The following PLCH1 variants were observed in gnomAD, a reference collection of about 807,000 sequenced individuals.
PLCH1 encodes the protein phospholipase C eta 1.
Under a neutral mutation model 126.7 loss-of-function variants are expected in PLCH1, and 60 were observed. The observed-to-expected ratio is 0.47, with a 90% CI of 0.38 to 0.59. PLCH1 has a LOEUF of 0.59. Among genes scored for constraint, PLCH1 ranks in the 20% least tolerant of loss-of-function variants. PLCH1 has a pLI of 0.00. For missense variants in PLCH1, 1,723 were observed against 2,040.0 expected (o/e 0.84, Z 2.99); for synonymous variants, 719 against 734.9 (o/e 0.98, Z 0.35).
chr3:155,594,159 C>A lies in PLCH1; in HGVS notation c.252G>T (p.Val84=). Reference sequence around the variant, plus strand: ...ATATTTCAGACTGCCGGCCCTCAGTCACTTTGTAAATGGAATCAATAAGTA... The same window carrying A: ...ATATTTCAGACTGCCGGCCCTCAGTAACTTTGTAAATGGAATCAATAAGTA... ...AKILIDSIYK[V]TEGRQSEIFH... is the part of the protein sequence containing the mutation. Residue 84 remains valine (V), a synonymous_variant, in exon 4 of 23, where the codon GTG becomes GTT. Coordinates refer to ENST00000460012, the MANE Select transcript of PLCH1 (RefSeq NM_014996.4). 6.2e-7 allele frequency: 1 copy of A among 1,613,912 alleles called. No individual in the cohort carries two copies. The highest frequency in any genetic ancestry group is 1.1e-5 in the South Asian group (1 of 91,050).
intron 10 of PLCH1, among the ~76,000 whole-genome samples, chr3:155,538,231 CT>C (rs1479132112): frequency 1.3e-5 from 2 of 152,104 alleles, no homozygotes; most frequent in Non-Finnish European, 2.9e-5. Context: ...TTCAAAATCT[CT>C]GGGATACAGC....
chr3:155,474,077 G>A (rs919810171), intron 21 of PLCH1, among the ~76,000 whole-genome samples: 3 of 152,064 alleles, frequency 2.0e-5, no homozygotes, highest in Admixed American at 1.3e-4. Flanking sequence ...TTGACAAATG[G>A]GATCTAATTA....
intron 1 of PLCH1, among the ~76,000 whole-genome samples, chr3:155,716,182 T>A (rs1438459039): frequency 1.3e-5 from 2 of 152,240 alleles, no homozygotes; most frequent in Non-Finnish European, 2.9e-5. Flanking sequence ...TAGTTTCTAG[T>A]TTAATTCCAC....
intron 1 of PLCH1, chr3:155,742,317 T>C (rs1749697900): frequency 6.6e-6 from 1 of 152,252 alleles, no homozygotes; most frequent in Admixed American, 6.5e-5. Context: ...TCTATGTTTA[T>C]AATACTAGCC....
At chr3:155,730,377 G>A (rs1748682921) in intron 1 of PLCH1, among the ~76,000 whole-genome samples, 1 of 152,094 alleles carries the variant, frequency 6.6e-6, no homozygotes, top group Admixed American at 6.5e-5. Flanking sequence ...CGCCTCCTGG[G>A]TTTAAGTGAT....
chr3:155,504,586 C>G lies in PLCH1; in HGVS notation c.1673G>C (p.Arg558Pro). 1 of 1,607,436 alleles carries G rather than the reference C, an allele frequency of 6.2e-7. No individual in the cohort carries two copies. The highest frequency in any genetic ancestry group is 1.1e-5 in the South Asian group (1 of 90,962). The change falls in exon 13 of 23, where the codon CGA becomes CCA. Residue 558 changes from arginine to proline, a missense_variant. Physicochemically the swap from Arg to Pro is moderately radical, Grantham distance 103. Transcript: ENST00000460012. The part of the protein sequence containing the change: ...VKESGKKSHG[R>P]SLMTNFGKHK... ...TTTTCCAAAGTTGGTCATGAGGGAT[C>G]GTCCATGTGATTTCTTTCCACTTTC...
intron 11 of PLCH1, among the ~76,000 whole-genome samples, chr3:155,523,488 C>G (rs181312869): frequency 6.7e-6 from 1 of 150,196 alleles, no homozygotes; most frequent in Non-Finnish European, 1.5e-5. Context: ...AGCAGGTCCA[C>G]GTGCAGGTGG....
At chr3:155,536,165 T>C (rs1723329758) in intron 10 of PLCH1, among the ~76,000 whole-genome samples, 1 of 152,166 alleles carries the variant, frequency 6.6e-6, no homozygotes, top group Non-Finnish European at 1.5e-5. Context: ...GACAAAAGAA[T>C]CTGAACAGCA....
At chr3:155,635,492 C>A (rs539241594) in intron 2 of PLCH1, among the ~76,000 whole-genome samples, 12 of 152,230 alleles carry the variant, frequency 7.9e-5, no homozygotes, top group Non-Finnish European at 1.5e-4. Context: ...AGACTCAAAA[C>A]AAGATTCAGA....
rs575840756 is a variant in PLCH1 at position 155,492,508 on chromosome 3, G to T, written c.2307+221C>A. ...GCAATGCTAGTGTCAACCTTAAATT[G>T]TGAATTCAATTGTGTGCTCTTATGC... On this transcript the variant is annotated intron_variant, in intron 18 of 22. Coordinates refer to ENST00000460012, the MANE Select transcript of PLCH1 (RefSeq NM_014996.4). Among the ~76,000 whole-genome samples the T allele has an allele frequency of 4.2e-3, 636 of 152,290 alleles. 3 individuals carry two copies. The highest frequency in any genetic ancestry group is 7.1e-3 in the South Asian group (34 of 4,822).
At chr3:155,501,111 T>C (rs1031622638) in intron 13 of PLCH1, among the ~76,000 whole-genome samples, 3 of 152,214 alleles carry the variant, frequency 2.0e-5, no homozygotes, top group Non-Finnish European at 4.4e-5. Context: ...AAAGTTGCAG[T>C]ATCTATGTAA....
At chr3:155,696,821 A>T (rs1351380326) in intron 2 of PLCH1, among the ~76,000 whole-genome samples, 1 of 152,182 alleles carries the variant, frequency 6.6e-6, no homozygotes, top group East Asian at 1.9e-4. Flanking sequence ...GCCTGGCTGG[A>T]CTCTCAATGG....
chr3:155,557,297 C>T (rs1023787603), intron 8 of PLCH1, among the ~76,000 whole-genome samples: 1 of 152,166 alleles, frequency 6.6e-6, no homozygotes, highest in African/African-American at 2.4e-5. Context: ...TTTGTGGTCC[C>T]TTCTTGGAGA....
intron 6 of PLCH1, among the ~76,000 whole-genome samples, chr3:155,569,174 T>A (rs913204442): frequency 5.9e-5 from 9 of 152,134 alleles, no homozygotes; most frequent in Non-Finnish European, 8.8e-5. Context: ...TTTCTTTAAT[T>A]AAACAGCAAC....
At chr3:155,725,497 G>T (rs112825250) in intron 1 of PLCH1, among the ~76,000 whole-genome samples, 10,718 of 149,688 alleles carry the variant, frequency 0.072, 596 homozygotes, top group African/African-American at 0.16. Context: ...CCCCAGGCTG[G>T]AGTACGATAG....
chr3:155,674,026 T>C lies in PLCH1; in HGVS notation c.79+30120A>G, dbSNP rs1743827691. Among the ~76,000 whole-genome samples, 3 of 152,270 alleles carry C rather than the reference T, an allele frequency of 2.0e-5. No homozygotes were observed. In the South Asian group the frequency reaches 6.2e-4, roughly 32 times the overall value. On this transcript the variant is annotated intron_variant, in intron 2 of 22. Transcript: ENST00000460012. ...GAGACCAGTAATTCTTACAACAACCTTGTGAGGTAAGCAAGAAAGTAGTAT... is the reference window on the plus strand; with the variant it reads ...GAGACCAGTAATTCTTACAACAACCCTGTGAGGTAAGCAAGAAAGTAGTAT...
Position 155,479,911 on chromosome 3 carries a change from A to G in PLCH1, c.*1057T>C, listed in dbSNP as rs1713744176. 1 of 152,370 alleles carries G rather than the reference A, an allele frequency of 6.6e-6. No homozygotes were observed. Among genetic ancestry groups the G allele is most frequent in the Non-Finnish European group, 1.5e-5 (1 of 68,018 alleles). The allele number at this position is 152,370 out of a possible 1,614,324, so 9.4% of individuals were successfully genotyped here. ...AAAAATGTGTTTTAATTATATTTTC[A>G]TGAATTCCAGGAAGAACATCATTGC... is the stretch of plus-strand genomic sequence containing the variant. On this transcript the variant is annotated 3_prime_UTR_variant, in exon 23 of 23. Transcript: ENST00000460012.
At chr3:155,691,737 T>C (rs1343008891) in intron 2 of PLCH1, among the ~76,000 whole-genome samples, 1 of 152,248 alleles carries the variant, frequency 6.6e-6, no homozygotes, top group East Asian at 1.9e-4. Flanking sequence ...GGCATTGTTC[T>C]CTCAATTCCT....
At position 155,705,708 on chromosome 3, in the gene PLCH1, G is replaced by T. The variant is rs551254080; in HGVS notation, c.-40-1444C>A. On this transcript the variant is annotated intron_variant, in intron 1 of 22. Transcript: ENST00000460012. ...ATTTGTCCCTTATTAATCTTCTGAGGTGAGTACTCTTCTCTCCTTCTACAA... is the reference window on the plus strand; with the variant it reads ...ATTTGTCCCTTATTAATCTTCTGAGTTGAGTACTCTTCTCTCCTTCTACAA... Among the ~76,000 whole-genome samples, 32 of 152,206 alleles carry T rather than the reference G, an allele frequency of 2.1e-4. 1 individual carries two copies. The highest frequency in any genetic ancestry group is 2.1e-3 in the South Asian group (10 of 4,818).
Sources: allele counts gnomAD v4.1 joint callset (sites outside exome capture counted in the v4.1 genomes callset), GRCh38; gene constraint gnomAD v4.1.1; transcripts MANE v1.5; gene names NCBI Gene and HGNC (gene_info 2026-07-23, HGNC 2026-07-21).